SCN9A: variants seen among roughly 807,000 people sequenced by gnomAD.
SCN9A encodes sodium voltage-gated channel alpha subunit 9.
In SCN9A, 131 loss-of-function variants were observed where a neutral mutation model predicts 187.0. The ratio of observed to expected loss-of-function variants is 0.70; its 90% CI spans 0.61 to 0.81. The LOEUF (loss-of-function observed/expected upper bound fraction) is 0.81, where lower values mean the gene tolerates loss of function less well. Among genes scored for constraint, SCN9A ranks in the 30% least tolerant of loss-of-function variants. The probability of loss-of-function intolerance (pLI) is 0.00; values close to 1 mark genes in which losing one functional copy is unlikely to be tolerated. For missense variants in SCN9A, 2,252 were observed against 2,396.6 expected, an observed-to-expected ratio of 0.94 and a Z score of 1.26; for synonymous variants, 809 against 808.6, an observed-to-expected ratio of 1.00 and a Z score of -0.01.
At chr2:166,357,991 A>ATT (rs59265133) in intron 1 of SCN9A, among the ~76,000 whole-genome samples, 1 of 150,912 alleles carries the variant, frequency 6.6e-6, no homozygotes, top group African/African-American at 2.4e-5. Flanking sequence ...TATTTCATAA[A>ATT]TTTTTTTTCA....
In SCN9A at chr2:166,199,142, C is replaced by G; in HGVS notation, c.5497G>C (p.Gly1833Arg). Residue 1833 changes from glycine (G) to arginine (R), a missense_variant, in exon 27 of 27, where the codon GGT becomes CGT. Gly to Arg is a moderately radical substitution (Grantham distance 125). Around this residue, in one of 7 missense-constraint regions of SCN9A, gnomAD observed 345 missense variants for 344.6 expected, o/e 1.00. Transcript: ENST00000642356. ...LIAMDLPMVS[G>R]DRIHCLDILF... ...ATGTCAAGACAATGGATCCGGTCAC[C>G]ACTAACCATGGGCAGATCCATGGCA... 1 of 1,614,178 alleles carries G rather than the reference C, an allele frequency of 6.2e-7. No individual in the cohort carries two copies. The highest frequency in any genetic ancestry group is 8.5e-7 in the Non-Finnish European group (1 of 1,180,038).
intron 1 of SCN9A, among the ~76,000 whole-genome samples, chr2:166,335,107 T>A (rs1236608526): frequency 6.6e-6 from 1 of 152,166 alleles, no homozygotes; most frequent in Non-Finnish European, 1.5e-5. Flanking sequence ...TCATAAAATT[T>A]ATCACAAAAC....
chr2:166,315,241 T>C (rs1699080481), intron 1 of SCN9A, among the ~76,000 whole-genome samples: 2 of 152,202 alleles, frequency 1.3e-5, no homozygotes, highest in African/African-American at 4.8e-5. Flanking sequence ...CTGGTGTTTT[T>C]GTAGATTCTA....
At chr2:166,269,656 G>A (rs1373563215) in intron 17 of SCN9A, among the ~76,000 whole-genome samples, 1 of 152,046 alleles carries the variant, frequency 6.6e-6, no homozygotes, top group Non-Finnish European at 1.5e-5. Flanking sequence ...TAAATGGAAA[G>A]TTCTATAAGG....
intron 20 of SCN9A, among the ~76,000 whole-genome samples, chr2:166,237,416 A>G (rs1695365683): frequency 6.6e-6 from 1 of 152,208 alleles, no homozygotes; most frequent in Middle Eastern, 3.4e-3. Flanking sequence ...AGTTCTTTGA[A>G]TTTATTATCT....
intron 1 of SCN9A, among the ~76,000 whole-genome samples, chr2:166,321,879 C>T (rs1244885027): frequency 1.3e-5 from 2 of 148,896 alleles, no homozygotes; most frequent in Non-Finnish European, 3.0e-5. Flanking sequence ...TTTGCTCATA[C>T]TCACTCATCC....
intron 1 of SCN9A, among the ~76,000 whole-genome samples, chr2:166,314,090 A>G (rs1028467012): frequency 3.9e-5 from 6 of 152,220 alleles, no homozygotes; most frequent in Non-Finnish European, 8.8e-5. Flanking sequence ...ATCACTGATC[A>G]TAGATCACCA....
At chr2:166,263,070 C>A (rs1219736935) in intron 17 of SCN9A, among the ~76,000 whole-genome samples, 3 of 152,006 alleles carry the variant, frequency 2.0e-5, no homozygotes, top group Admixed American at 6.6e-5. Context: ...CAAGGTTATA[C>A]CCTTCTCCCC....
At chr2:166,227,185 C>G (rs944340658) in intron 23 of SCN9A, among the ~76,000 whole-genome samples, 2 of 152,038 alleles carry the variant, frequency 1.3e-5, no homozygotes, top group African/African-American at 4.8e-5. Context: ...TTCACATAAA[C>G]TCATCCAAGG....
In SCN9A at chr2:166,198,975, T is replaced by G; in HGVS notation, c.5664A>C (p.Gln1888His). 1 of 1,614,044 alleles carries G rather than the reference T, an allele frequency of 6.2e-7. No individual in the cohort carries two copies. The highest frequency in any genetic ancestry group is 8.5e-7 in the Non-Finnish European group (1 of 1,179,926). ...EPITTTLKRK[Q>H]EDVSATVIQR... is the part of the protein sequence containing the mutation. ...GAATGACAGTAGCAGACACATCCTC[T>G]TGTTTCCGTTTTAGTGTGGTTGTGA... Residue 1888 changes from glutamine (Q) to histidine (H), a missense_variant, in exon 27 of 27, where the codon CAA becomes CAC. Gln to His is a conservative substitution (Grantham distance 24, BLOSUM62 0). Coordinates refer to ENST00000642356, the MANE Select transcript of SCN9A (RefSeq NM_001365536.1).
At chr2:166,232,043 A>G (rs1306896973) in intron 21 of SCN9A, among the ~76,000 whole-genome samples, 1 of 152,198 alleles carries the variant, frequency 6.6e-6, no homozygotes, top group Non-Finnish European at 1.5e-5. Context: ...TAAAGGACAG[A>G]TAGGTGTTTG....
chr2:166,296,979 C>A (rs142582972), intron 7 of SCN9A, among the ~76,000 whole-genome samples: 1,960 of 151,636 alleles, frequency 0.013, 20 homozygotes, highest in Non-Finnish European at 0.018. Flanking sequence ...GGGCAGATCA[C>A]GAGGTCAGGA....
At chr2:166,367,733 C>A (rs943844834) in intron 1 of SCN9A, among the ~76,000 whole-genome samples, 5 of 152,114 alleles carry the variant, frequency 3.3e-5, no homozygotes, top group African/African-American at 4.8e-5. Flanking sequence ...TACTCCTAGA[C>A]CAGGAAAGTG....
In SCN9A at chr2:166,332,195, T is replaced by C. The variant is rs532518466; in HGVS notation, c.-50-20389A>G. 3.3e-5 allele frequency among the ~76,000 whole-genome samples: 5 copies of C among 152,314 alleles called. No individual in the cohort carries two copies. The East Asian group carries it at 9.6e-4, about 29-fold the overall frequency. The stretch of plus-strand genomic sequence containing the variant: ...GTGCTGGGTCTATGTACAGCTATAG[T>C]AGAATCCTGTGTGGCAGCAGTGACC... On this transcript the variant is annotated intron_variant, in intron 1 of 26. Transcript: ENST00000642356.
chr2:166,348,828 A>C (rs1699964184), intron 1 of SCN9A, among the ~76,000 whole-genome samples: 1 of 152,072 alleles, frequency 6.6e-6, no homozygotes, highest in African/African-American at 2.4e-5. Flanking sequence ...TACTTTTCTT[A>C]AACCTCCAAA....
At chr2:166,351,382 A>G (rs943163082) in intron 1 of SCN9A, among the ~76,000 whole-genome samples, 2 of 152,208 alleles carry the variant, frequency 1.3e-5, no homozygotes, top group African/African-American at 2.4e-5. Flanking sequence ...TATGTGTCAA[A>G]GGTGAAAACA....
intron 1 of SCN9A, among the ~76,000 whole-genome samples, chr2:166,353,970 G>T (rs1378693145): frequency 1.3e-5 from 2 of 152,126 alleles, no homozygotes; most frequent in Non-Finnish European, 2.9e-5. Context: ...CCTAACCCAA[G>T]CACTTGAAGA....
At chr2:166,364,442 A>G (rs1700365842) in intron 1 of SCN9A, among the ~76,000 whole-genome samples, 1 of 152,216 alleles carries the variant, frequency 6.6e-6, no homozygotes, top group Non-Finnish European at 1.5e-5. Context: ...GTCTATCAAC[A>G]GATGAACAGA....
rs566823102 is a variant in SCN9A at position 166,246,551 on chromosome 2, CAG to C, written c.3473-3897_3473-3896del. ...TCTTTTTCAGGGAAAATAAAAATAC[CAG>C]AGAGAGCGAAAAAAATGAGATGAAT... is the stretch of plus-strand genomic sequence containing the variant. On this transcript the variant is annotated intron_variant, in intron 18 of 26. Transcript: ENST00000642356. 4.1e-4 allele frequency among the ~76,000 whole-genome samples: 62 copies of C among 151,628 alleles called. 1 individual carries two copies. The South Asian group carries it at 4.2e-3, about 10-fold the overall frequency.
Sources: gnomAD v4.1 joint callset for allele counts (sites outside exome capture counted in the v4.1 genomes callset) on GRCh38, gnomAD v4.1.1 for gene constraint, gnomAD v4.1.1 regional missense constraint, MANE v1.5 for transcripts, NCBI Gene and HGNC (gene_info 2026-07-23, HGNC 2026-07-21) for gene names.